Variants in TMEM232 observed in about 807,000 individuals in gnomAD.
TMEM232 encodes transmembrane protein 232.
In TMEM232, 80 loss-of-function variants were observed where a neutral mutation model predicts 78.8. The ratio of observed to expected loss-of-function variants is 1.01; its 90% CI spans 0.85 to 1.22. TMEM232 has a LOEUF of 1.22. Ranked by LOEUF, TMEM232 falls within the 50% of genes most tolerant of loss-of-function variation. The pLI, the probability that TMEM232 is intolerant of heterozygous loss-of-function variation, is 0.00. For missense variants in TMEM232, 881 were observed against 742.2 expected (o/e 1.19, Z -2.17); for synonymous variants, 297 against 254.3 (o/e 1.17, Z -1.60).
intron 3 of TMEM232, among the ~76,000 whole-genome samples, chr5:110,641,393 T>C (rs554773231): frequency 1.3e-5 from 2 of 152,232 alleles, no homozygotes; most frequent in African/African-American, 2.4e-5. Flanking sequence ...GGCTACTTCA[T>C]TGTTGATATA....
At chr5:110,474,097 A>G (rs1483361267) in intron 12 of TMEM232, among the ~76,000 whole-genome samples, 8 of 151,706 alleles carry the variant, frequency 5.3e-5, no homozygotes, top group African/African-American at 1.9e-4. Flanking sequence ...GACTATAGTT[A>G]ACAAAAATAC....
chr5:110,569,494 GAAGCAGAT>G (rs1015067833), intron 10 of TMEM232, among the ~76,000 whole-genome samples: 20 of 151,854 alleles, frequency 1.3e-4, no homozygotes, highest in Non-Finnish European at 2.2e-4. Context: ...CTGAGTATGT[GAAGCAGAT>G]AAGAAGAATA....
intron 1 of TMEM232, among the ~76,000 whole-genome samples, chr5:110,718,149 A>T (rs903671821): frequency 5.9e-5 from 9 of 152,152 alleles, no homozygotes; most frequent in Admixed American, 5.2e-4. Context: ...ATCTACATAT[A>T]TTTGTTTGCA....
intron 10 of TMEM232, among the ~76,000 whole-genome samples, chr5:110,581,340 T>C (rs544221075): frequency 3.8e-4 from 58 of 151,734 alleles, no homozygotes; most frequent in Non-Finnish European, 7.4e-4. Context: ...TGGAACAGTA[T>C]AGAGAACCGA....
At chr5:110,543,890 T>G (rs1219156334) in intron 11 of TMEM232, among the ~76,000 whole-genome samples, 1 of 152,200 alleles carries the variant, frequency 6.6e-6, no homozygotes, top group African/African-American at 2.4e-5. Flanking sequence ...GTTATCTTCC[T>G]TCTTCTCTTA....
chr5:110,598,248 C>T (rs1262669767), intron 10 of TMEM232, among the ~76,000 whole-genome samples: 1 of 141,090 alleles, frequency 7.1e-6, no homozygotes, highest in African/African-American at 3.1e-5. Context: ...AGCCAAAAGA[C>T]ACATGAAAAA....
chr5:110,732,738 C>T (rs543913857), intron 2 of TMEM232, among the ~76,000 whole-genome samples: 1 of 152,272 alleles, frequency 6.6e-6, no homozygotes, highest in African/African-American at 2.4e-5. Context: ...ATATCAGATA[C>T]CTCTCTTCAT....
At chr5:110,663,600 T>C (rs1790102447) in intron 2 of TMEM232, among the ~76,000 whole-genome samples, 1 of 152,032 alleles carries the variant, frequency 6.6e-6, no homozygotes, top group Non-Finnish European at 1.5e-5. Context: ...CGATATACCA[T>C]GTTTCTAAAC....
chr5:110,475,514 TA>T (rs1763156246), intron 12 of TMEM232, among the ~76,000 whole-genome samples: 1 of 132,968 alleles, frequency 7.5e-6, no homozygotes, highest in South Asian at 2.4e-4. Context: ...CAGTGAAGGA[TA>T]AAAATCTCCA....
chr5:110,614,006 T>C (rs1298330533), intron 8 of TMEM232, among the ~76,000 whole-genome samples: 1 of 152,044 alleles, frequency 6.6e-6, no homozygotes, highest in Non-Finnish European at 1.5e-5. Context: ...AGCCAACTAA[T>C]CTTTTTTAAA....
At chr5:110,706,872 A>C (rs1042546091) in intron 1 of TMEM232, among the ~76,000 whole-genome samples, 2 of 152,194 alleles carry the variant, frequency 1.3e-5, no homozygotes, top group Non-Finnish European at 2.9e-5. Flanking sequence ...ATAGCAGAGG[A>C]TGGTGTTTCA....
chr5:110,685,935 G>T (rs191583033), intron 1 of TMEM232, among the ~76,000 whole-genome samples: 3 of 152,176 alleles, frequency 2.0e-5, no homozygotes, highest in Admixed American at 6.6e-5. Flanking sequence ...AGAAATTCAA[G>T]CACAGACAAA....
intron 1 of TMEM232, among the ~76,000 whole-genome samples, chr5:110,702,508 T>C (rs1260193685): frequency 6.6e-6 from 1 of 152,062 alleles, no homozygotes; most frequent in Non-Finnish European, 1.5e-5. Flanking sequence ...GTTAGCAGAC[T>C]GGATTCTTAA....
chr5:110,469,011 G>T (rs1762386289), intron 12 of TMEM232, among the ~76,000 whole-genome samples: 1 of 152,112 alleles, frequency 6.6e-6, no homozygotes, highest in Admixed American at 6.5e-5. Flanking sequence ...ACTTCTCTCT[G>T]TGGGGAAAAA....
chr5:110,694,822 A>C (rs1794574133), intron 1 of TMEM232, among the ~76,000 whole-genome samples: 4 of 152,182 alleles, frequency 2.6e-5, no homozygotes, highest in Admixed American at 2.6e-4. Flanking sequence ...GTGACCTACA[A>C]AGAGACTTAG....
At chr5:110,517,680 G>A (rs1355782168) in intron 12 of TMEM232, among the ~76,000 whole-genome samples, 1 of 152,224 alleles carries the variant, frequency 6.6e-6, no homozygotes, top group Admixed American at 6.5e-5. Context: ...TCTTGCTAGA[G>A]GAAGTCTCAG....
chr5:110,686,804 T>A (rs193118061), intron 1 of TMEM232, among the ~76,000 whole-genome samples: 24 of 152,138 alleles, frequency 1.6e-4, no homozygotes, highest in African/African-American at 5.5e-4. Flanking sequence ...TAAAAGAACA[T>A]AAAAGTTCAA....
intron 5 of TMEM232, among the ~76,000 whole-genome samples, chr5:110,632,051 T>C (rs1186850655): frequency 6.6e-6 from 1 of 152,090 alleles, no homozygotes; most frequent in Non-Finnish European, 1.5e-5. Flanking sequence ...CTAACCCATC[T>C]GGAATCCCTG....
chr5:110,459,495 A>C (rs1450740375), intron 12 of TMEM232, among the ~76,000 whole-genome samples: 1 of 152,188 alleles, frequency 6.6e-6, no homozygotes, highest in Non-Finnish European at 1.5e-5. Context: ...ATCCAAATTA[A>C]AAAATGAAAT....
Sources: gnomAD v4.1 joint callset for allele counts (sites outside exome capture counted in the v4.1 genomes callset) on GRCh38, gnomAD v4.1.1 for gene constraint, MANE v1.5 for transcripts, NCBI Gene and HGNC (gene_info 2026-07-23, HGNC 2026-07-21) for gene names.